MAP4K5: variants seen among roughly 807,000 people sequenced by gnomAD.
MAP4K5 encodes MAPK/ERK kinase kinase kinase 5.
Under a neutral mutation model 135.6 loss-of-function variants are expected in MAP4K5, and 82 were observed. That is an observed-to-expected ratio of 0.60 (90% CI 0.51 to 0.73). The LOEUF (loss-of-function observed/expected upper bound fraction) is 0.73, where lower values mean the gene tolerates loss of function less well. Ranked by LOEUF, MAP4K5 falls within the 30% of genes least tolerant of loss-of-function variation. The pLI, the probability that MAP4K5 is intolerant of heterozygous loss-of-function variation, is 0.00. For missense variants in MAP4K5, 907 were observed against 1,010.9 expected, an observed-to-expected ratio of 0.90 and a Z score of 1.39; for synonymous variants, 347 against 335.0, an observed-to-expected ratio of 1.04 and a Z score of -0.39.
chr14:50,536,436 CAAAAAAAAAAAAA>C (rs34686813), upstream of MAP4K5, among the ~76,000 whole-genome samples: 1 of 107,242 alleles, frequency 9.3e-6, no homozygotes, highest in African/African-American at 3.3e-5. Context: ...AACTCTGTCT[CAAAAAAAAAAAAA>C]AAAAAAAATT....
chr14:50,499,385 TG>T (rs2037660143), intron 3 of MAP4K5, among the ~76,000 whole-genome samples: 1 of 152,094 alleles, frequency 6.6e-6, no homozygotes, highest in East Asian at 1.9e-4. Context: ...GGGCCAGGCA[TG>T]GTGGTTCACA....
At chr14:50,549,259 A>G (rs1240075987) in intron 1 of MAP4K5, among the ~76,000 whole-genome samples, 1 of 152,188 alleles carries the variant, frequency 6.6e-6, no homozygotes, top group Admixed American at 6.5e-5. Flanking sequence ...GTACAAATGG[A>G]TACTGACACC....
intron 2 of MAP4K5, among the ~76,000 whole-genome samples, chr14:50,517,712 T>C (rs892583354): frequency 6.6e-6 from 1 of 151,906 alleles, no homozygotes; most frequent in Non-Finnish European, 1.5e-5. Flanking sequence ...GAGGTTGCAG[T>C]GGTTGCAGTA....
At chr14:50,511,912 T>C (rs1476352506) in intron 2 of MAP4K5, among the ~76,000 whole-genome samples, 1 of 151,968 alleles carries the variant, frequency 6.6e-6, no homozygotes, top group African/African-American at 2.4e-5. Flanking sequence ...GACAAATAGG[T>C]GAAGCACAGG....
chr14:50,440,211 C>T (rs2036194056), intron 22 of MAP4K5, 138 bp from the exon 23 acceptor site: 1 of 788,394 alleles, frequency 1.3e-6, no homozygotes, highest in Non-Finnish European at 2.0e-6. Context: ...AAAAATCTTT[C>T]AACATGAACA....
chr14:50,437,570 T>C (rs1285438779), intron 25 of MAP4K5, 36 bp from the exon 26 acceptor site: 4 of 1,372,286 alleles, frequency 2.9e-6, no homozygotes, highest in African/African-American at 2.9e-5. Context: ...CACTCTACAG[T>C]AGTGGTTACA....
chr14:50,465,397 G>C (rs181043889), intron 11 of MAP4K5, among the ~76,000 whole-genome samples: 1 of 152,240 alleles, frequency 6.6e-6, no homozygotes, highest in Admixed American at 6.5e-5. Context: ...GTATGGGGAA[G>C]ACATTACCAG....
In MAP4K5 at chr14:50,419,886, A is replaced by G. The variant is rs957319037; in HGVS notation, c.*133T>C. The stretch of plus-strand genomic sequence containing the variant: ...TGCAGAAAATATTGAATTCTACCCT[A>G]AAGTACAGATCATTTGCAATATAAC... On this transcript the variant is annotated 3_prime_UTR_variant, in exon 33 of 33. Transcript: ENST00000682126. The G allele has an allele frequency of 6.0e-6, 4 of 668,106 alleles. No homozygotes were observed. Among genetic ancestry groups the G allele is most frequent in the Admixed American group, 2.3e-5 (1 of 42,936 alleles). The allele number at this position is 668,106 out of a possible 1,614,324, so 41.4% of individuals were successfully genotyped here.
Position 50,532,074 on chromosome 14 carries a change from C to A in MAP4K5, c.-25G>T. On this transcript the variant is annotated 5_prime_UTR_variant, in exon 2 of 33. Transcript: ENST00000682126. ...TCTTCACTTAGGGCCCGGCCCCCGC[C>A]AGCTCACCCCGCGGCTCCCGGATTC... 7.0e-7 allele frequency: 1 copy of A among 1,421,920 alleles called. No individual in the cohort carries two copies. The highest frequency in any genetic ancestry group is 9.6e-7 in the Non-Finnish European group (1 of 1,037,642). The allele number at this position is 1,421,920 out of a possible 1,614,324, so 88.1% of individuals were successfully genotyped here. A position where few individuals can be genotyped will look rare whatever the true frequency, so the allele number is the denominator to read the frequency against.
At chr14:50,447,712 T>C (rs1421084595) in intron 15 of MAP4K5, among the ~76,000 whole-genome samples, 7 of 152,212 alleles carry the variant, frequency 4.6e-5, no homozygotes, top group African/African-American at 1.7e-4. Context: ...TAGCTTCAAA[T>C]GTGACAAACC....
chr14:50,456,964 C>G (rs1206131145), intron 13 of MAP4K5, among the ~76,000 whole-genome samples: 2 of 152,166 alleles, frequency 1.3e-5, no homozygotes, highest in East Asian at 3.8e-4. Flanking sequence ...GGGTATAGTT[C>G]TTCATGAAAG....
chr14:50,485,999 T>C, intron 4 of MAP4K5, 105 bp downstream of exon 4: 1 of 608,336 alleles, frequency 1.6e-6, no homozygotes, highest in Non-Finnish European at 2.9e-6. Flanking sequence ...AACTTTGCAG[T>C]GTTTAAAAAC....
intron 2 of MAP4K5, among the ~76,000 whole-genome samples, chr14:50,510,515 T>C (rs1354150621): frequency 6.6e-6 from 1 of 152,192 alleles, no homozygotes; most frequent in Non-Finnish European, 1.5e-5. Flanking sequence ...TACAAATTTG[T>C]TGAATAGACA....
At chr14:50,525,591 T>C (rs117648467) in intron 2 of MAP4K5, among the ~76,000 whole-genome samples, 124 of 152,278 alleles carry the variant, frequency 8.1e-4, no homozygotes, top group Non-Finnish European at 1.4e-3. Flanking sequence ...ATCCCAGCAC[T>C]TTGGGAGGCA....
chr14:50,484,418 A>C (rs1020529881), intron 5 of MAP4K5, among the ~76,000 whole-genome samples: 2 of 152,194 alleles, frequency 1.3e-5, no homozygotes, highest in East Asian at 1.9e-4. Context: ...TTAAAAGTTT[A>C]CTTCTGAGCT....
chr14:50,453,548 A>G (rs1446764771), intron 14 of MAP4K5, among the ~76,000 whole-genome samples: 8 of 152,150 alleles, frequency 5.3e-5, no homozygotes, highest in African/African-American at 1.9e-4. Flanking sequence ...ACATGAAATC[A>G]CATTTAGAAT....
intron 2 of MAP4K5, among the ~76,000 whole-genome samples, chr14:50,513,673 C>A (rs1357935065): frequency 1.3e-5 from 2 of 152,054 alleles, no homozygotes; most frequent in Non-Finnish European, 2.9e-5. Flanking sequence ...TGAAAAAGCT[C>A]CTGTATTTCT....
Position 50,454,412 on chromosome 14 carries a change from G to A in MAP4K5, c.1015+2104C>T, listed in dbSNP as rs1227836037. Among the ~76,000 whole-genome samples the A allele has an allele frequency of 3.3e-5, 5 of 152,072 alleles. No individual in the cohort carries two copies. The East Asian group carries it at 5.8e-4, about 18-fold the overall frequency. On this transcript the variant is annotated intron_variant, in intron 14 of 32. Transcript: ENST00000682126. ...TTTAAAAATTTACCCTGGAGTATTC[G>A]TAAGATTTGAGCATTTTACTGTATG... is the stretch of plus-strand genomic sequence containing the variant.
At chr14:50,504,455 T>C (rs2140015808) in intron 3 of MAP4K5, among the ~76,000 whole-genome samples, 1 of 152,196 alleles carries the variant, frequency 6.6e-6, no homozygotes, top group African/African-American at 2.4e-5. Context: ...GACAAACAAA[T>C]GTCATTATCC....
Sources: gnomAD v4.1 joint callset for allele counts (sites outside exome capture counted in the v4.1 genomes callset) on GRCh38, gnomAD v4.1.1 for gene constraint, MANE v1.5 for transcripts, NCBI Gene and HGNC (gene_info 2026-07-23, HGNC 2026-07-21) for gene names.